ELK3: variants seen among roughly 807,000 people sequenced by gnomAD.
ELK3 encodes the protein ETS domain-containing protein Elk-3.
ELK3 carries 10 observed loss-of-function variants against 28.9 expected under a neutral mutation model. The ratio of observed to expected loss-of-function variants is 0.35; its 90% CI spans 0.21 to 0.59. The LOEUF (loss-of-function observed/expected upper bound fraction) is 0.59. Ranked by LOEUF, ELK3 falls within the 20% of genes least tolerant of loss-of-function variation. ELK3 has a pLI of 0.82. For missense variants in ELK3, 463 were observed against 517.3 expected, an observed-to-expected ratio of 0.90 and a Z score of 1.02; for synonymous variants, 272 against 243.5, an observed-to-expected ratio of 1.12 and a Z score of -1.09.
intron 3 of ELK3, among the ~76,000 whole-genome samples, chr12:96,259,372 T>C (rs1394008614): frequency 6.6e-6 from 1 of 152,012 alleles, no homozygotes; most frequent in Admixed American, 6.6e-5. Context: ...GCCAACGTAA[T>C]GAAACCCCTT....
At chr12:96,219,314 A>AT (rs201135242) in intron 1 of ELK3, among the ~76,000 whole-genome samples, 1,781 of 152,074 alleles carry the variant, frequency 0.012, 42 homozygotes, top group African/African-American at 0.04. Flanking sequence ...AATCGTTTAA[A>AT]TTTTTTTTCC....
At chr12:96,243,894 T>C (rs1951838441) in intron 2 of ELK3, among the ~76,000 whole-genome samples, 1 of 150,164 alleles carries the variant, frequency 6.7e-6, no homozygotes, top group Non-Finnish European at 1.5e-5. Flanking sequence ...TAATTCCAGC[T>C]GCTTGGGAGG....
intron 1 of ELK3, among the ~76,000 whole-genome samples, chr12:96,211,537 T>C (rs1325417879): frequency 6.6e-6 from 1 of 151,892 alleles, no homozygotes; most frequent in African/African-American, 2.4e-5. Context: ...ATCAGTTTTA[T>C]GTATGTGAAT....
At chr12:96,259,064 G>T (rs1951973161) in intron 3 of ELK3, among the ~76,000 whole-genome samples, 1 of 152,070 alleles carries the variant, frequency 6.6e-6, no homozygotes, top group South Asian at 2.1e-4. Flanking sequence ...TAGATAAGAA[G>T]AATTAAAGCC....
At position 96,259,594 on chromosome 12, in the gene ELK3, C is replaced by A. The variant is rs981846709; in HGVS notation, c.1003-137C>A. 6 of 921,186 alleles carry A rather than the reference C, an allele frequency of 6.5e-6. No homozygotes were observed. In the East Asian group the frequency reaches 1.6e-4, roughly 24 times the overall value. The allele number at this position is 921,186 out of a possible 1,614,324, so 57.1% of individuals were successfully genotyped here. On this transcript the variant is annotated intron_variant, in intron 3 of 4. Transcript: ENST00000228741. ...ACTGTTCACAGCCCCTCAGAATTAA[C>A]GTTGCCAGTTTTCCTGAGATGGTAA... is the stretch of plus-strand genomic sequence containing the variant.
intron 4 of ELK3, 52 bp downstream of exon 4, chr12:96,259,905 T>A: frequency 6.5e-7 from 1 of 1,528,504 alleles, no homozygotes; most frequent in Non-Finnish European, 8.8e-7. Flanking sequence ...GGGATGGTTT[T>A]TTCTCTAAAT....
chr12:96,220,956 G>C (rs1196112522), intron 1 of ELK3, among the ~76,000 whole-genome samples: 1 of 152,164 alleles, frequency 6.6e-6, no homozygotes, highest in East Asian at 1.9e-4. Flanking sequence ...ACCTCCATGT[G>C]TCTCATTCTG....
In ELK3 at chr12:96,269,471, ATAC is replaced by A. The variant is rs1241811118; in HGVS notation, c.*2295_*2297del. ...AGATCCATTTATTAGAAATGCAAAA[ATAC>A]TACAATTTTTTGATGGATGAAAATA... On this transcript the variant is annotated 3_prime_UTR_variant, in exon 5 of 5. Coordinates refer to ENST00000228741, the MANE Select transcript of ELK3 (RefSeq NM_005230.4). 3.3e-5 allele frequency: 5 copies of A among 152,346 alleles called. No individual in the cohort carries two copies. The highest frequency in any genetic ancestry group is 1.3e-4 in the Admixed American group (2 of 15,308). The allele number at this position is 152,346 out of a possible 1,614,324, so 9.4% of individuals were successfully genotyped here. A position where few individuals can be genotyped will look rare whatever the true frequency, so the allele number is the denominator to read the frequency against.
At chr12:96,250,270 G>A (rs1951893176) in intron 3 of ELK3, among the ~76,000 whole-genome samples, 1 of 152,358 alleles carries the variant, frequency 6.6e-6, no homozygotes, top group South Asian at 2.1e-4. Flanking sequence ...GGCCATGGGT[G>A]GCCAACAGGG....
intron 1 of ELK3, among the ~76,000 whole-genome samples, chr12:96,212,082 G>A (rs905015525): frequency 3.3e-5 from 5 of 152,208 alleles, no homozygotes; most frequent in African/African-American, 1.2e-4. Flanking sequence ...CTGCAGTACT[G>A]AAGGTTAAAA....
chr12:96,258,695 T>G (rs985741393), intron 3 of ELK3, among the ~76,000 whole-genome samples: 1 of 152,204 alleles, frequency 6.6e-6, no homozygotes, highest in Non-Finnish European at 1.5e-5. Flanking sequence ...ACTTAGCAGC[T>G]GGGCGGGTGT....
chr12:96,268,087 A>ATAAG lies in ELK3; in HGVS notation c.*913_*916dup, dbSNP rs1204204849. The ATAAG allele has an allele frequency of 3.3e-5, 5 of 152,372 alleles. No homozygotes were observed. The highest frequency in any genetic ancestry group is 1.2e-4 in the African/African-American group (5 of 41,590). The allele number at this position is 152,372 out of a possible 1,614,324, so 9.4% of individuals were successfully genotyped here. On this transcript the variant is annotated 3_prime_UTR_variant, in exon 5 of 5. Coordinates refer to ENST00000228741, the MANE Select transcript of ELK3 (RefSeq NM_005230.4). ...CATCTGATATATTTACTGTGTCAGT[A>ATAAG]TAAGTAAGTTGGGGTTCCCCTGGAA...
At position 96,264,610 on chromosome 12, in the gene ELK3, CTG is replaced by C. The variant is rs370057724; in HGVS notation, c.1126-2470_1126-2469del. Reference sequence around the variant, plus strand: ...CCATCAGGGGCAACATAGCAAGACCCTGTCTCTCCAAAAAAAATACAAAAATT... The same window carrying C: ...CCATCAGGGGCAACATAGCAAGACCCTCTCTCCAAAAAAAATACAAAAATT... On this transcript the variant is annotated intron_variant, in intron 4 of 4. Coordinates refer to ENST00000228741, the MANE Select transcript of ELK3 (RefSeq NM_005230.4). Among the ~76,000 whole-genome samples, 524 of 152,012 alleles carry C rather than the reference CTG, an allele frequency of 3.4e-3. 2 individuals are homozygous for C. Among genetic ancestry groups the C allele is most frequent in the African/African-American group, 0.011 (448 of 41,468 alleles).
At chr12:96,263,978 ATTT>A (rs1952011913) in intron 4 of ELK3, among the ~76,000 whole-genome samples, 1 of 151,988 alleles carries the variant, frequency 6.6e-6, no homozygotes, top group Non-Finnish European at 1.5e-5. Flanking sequence ...ATAAGAGGAA[ATTT>A]TTATTTTTAT....
chr12:96,223,951 C>T (rs563662806), intron 2 of ELK3, 178 bp downstream of exon 2: 18 of 659,262 alleles, frequency 2.7e-5, no homozygotes, highest in African/African-American at 7.3e-5. Context: ...ACCCTCTGGA[C>T]GCCCTTTGGA....
chr12:96,216,144 G>A (rs1304699215), intron 1 of ELK3, among the ~76,000 whole-genome samples: 2 of 152,126 alleles, frequency 1.3e-5, no homozygotes, highest in Non-Finnish European at 1.5e-5. Flanking sequence ...GGCTATGAGC[G>A]GTGTTGTCAT....
chr12:96,265,673 T>TATC (rs1469095071), intron 4 of ELK3, among the ~76,000 whole-genome samples: 1 of 152,170 alleles, frequency 6.6e-6, no homozygotes, highest in Non-Finnish European at 1.5e-5. Context: ...AGCCAGACCC[T>TATC]ATCTCTAAAT....
rs568677766 is a variant in ELK3, at chr12:96,204,224, A to G, written c.-3+9519A>G. On this transcript the variant is annotated intron_variant, in intron 1 of 4. Transcript: ENST00000228741. ...GAGCAACCATCATTAGTCCTTTATT[A>G]AAGACTTCAGTTGATCAGGTTTTCG... 1.3e-5 allele frequency among the ~76,000 whole-genome samples: 2 copies of G among 152,264 alleles called. 1 individual carries two copies. The highest frequency in any genetic ancestry group is 4.8e-5 in the African/African-American group (2 of 41,546).
At chr12:96,208,522 G>A (rs1951553996) in intron 1 of ELK3, among the ~76,000 whole-genome samples, 1 of 152,262 alleles carries the variant, frequency 6.6e-6, no homozygotes, top group African/African-American at 2.4e-5. Flanking sequence ...GGAGCTGGAA[G>A]GGAGAGGGTC....
Sources: allele counts gnomAD v4.1 joint callset (sites outside exome capture counted in the v4.1 genomes callset), GRCh38; gene constraint gnomAD v4.1.1; transcripts MANE v1.5; gene names NCBI Gene and HGNC (gene_info 2026-07-23, HGNC 2026-07-21).